ZNF565: variants seen among roughly 807,000 people sequenced by gnomAD.
ZNF565 encodes zinc finger protein 565.
ZNF565 carries 27 observed loss-of-function variants against 39.4 expected under a neutral mutation model. The observed-to-expected ratio is 0.69, with a 90% CI of 0.51 to 0.95. ZNF565 has a LOEUF of 0.95. ZNF565 is among the 40% of genes least tolerant of loss of function. ZNF565 has a pLI of 0.00. For synonymous variants in ZNF565, 185 were observed against 216.6 expected, an observed-to-expected ratio of 0.85 and a Z score of 1.28; for missense variants, 524 against 621.1, an observed-to-expected ratio of 0.84 and a Z score of 1.66.
rs201361046 is a variant in ZNF565, at chr19:36,211,814, A to G, written c.-66+2808T>C. Among the ~76,000 whole-genome samples the G allele has an allele frequency of 1.6e-4, 24 of 152,000 alleles. No homozygotes were observed. In the East Asian group the frequency reaches 4.2e-3, roughly 27 times the overall value. On this transcript the variant is annotated intron_variant, in intron 1 of 4. Coordinates refer to ENST00000304116, the MANE Select transcript of ZNF565 (RefSeq NM_152477.5). ...TCTCAAAAAAAACAAAAAAAAAAAGAAGAAAAAATAAACATAGAAGTGATG... is the reference window on the plus strand; with the variant it reads ...TCTCAAAAAAAACAAAAAAAAAAAGGAGAAAAAATAAACATAGAAGTGATG...
At chr19:36,216,273 AT>A (rs1486611013), upstream of ZNF565, among the ~76,000 whole-genome samples, 12 of 152,216 alleles carry the variant, frequency 7.9e-5, no homozygotes, top group Non-Finnish European at 1.6e-4. Context: ...ACTAAGGGGC[AT>A]AACAAATGTG....
upstream of ZNF565, chr19:36,218,077 T>C (rs1055856781): frequency 2.1e-5 from 3 of 143,528 alleles, no homozygotes; most frequent in Non-Finnish European, 3.0e-5. Flanking sequence ...AGTACTGGGA[T>C]TACAGGCATG....
At position 36,241,500 on chromosome 19, in the gene ZNF565, AAAAG is replaced by A. The variant is rs564762161; in HGVS notation, c.55+3972_55+3975del. On this transcript the variant is annotated intron_variant, in intron 1 of 4. Transcript: ENST00000355114. ...ACTCTGTATTAAAAAAAAAAAAAAA[AAAAG>A]TGTTGGGGCCGTGCGCAGTGGCTCA... Among the ~76,000 whole-genome samples, 703 of 140,578 alleles carry A rather than the reference AAAAG, an allele frequency of 5.0e-3. 1 individual carries two copies. The highest frequency in any genetic ancestry group is 8.6e-3 in the Non-Finnish European group (557 of 65,108). The allele number at this position is 140,578 out of a possible 152,430, so 92.2% of individuals were successfully genotyped here. A position where few individuals can be genotyped will look rare whatever the true frequency, so the allele number is the denominator to read the frequency against.
chr19:36,185,279 T>C (rs1421559493), intron 4 of ZNF565, among the ~76,000 whole-genome samples: 1 of 151,874 alleles, frequency 6.6e-6, no homozygotes, highest in African/African-American at 2.4e-5. Flanking sequence ...CCGGCCGTGG[T>C]GGCACATGCC....
At chr19:36,195,221 T>G (rs780360254) in intron 2 of ZNF565, 65 bp from the exon 3 acceptor site, 3 of 1,559,608 alleles carry the variant, frequency 1.9e-6, no homozygotes, top group Non-Finnish European at 2.6e-6. Context: ...ATGAAAATTT[T>G]CAAGATGCAC....
At chr19:36,224,475 G>C (rs1218515700) in intron 1 of ZNF565, among the ~76,000 whole-genome samples, 1 of 152,158 alleles carries the variant, frequency 6.6e-6, no homozygotes, top group African/African-American at 2.4e-5. Flanking sequence ...CTGTTTCTGG[G>C]TGTGAGCAGA....
intron 1 of ZNF565, among the ~76,000 whole-genome samples, chr19:36,211,818 A>G (rs868263653): frequency 1.3e-5 from 2 of 152,228 alleles, no homozygotes; most frequent in South Asian, 2.1e-4. Context: ...AAAAAGAAGA[A>G]AAAATAAACA....
At chr19:36,204,591 G>C (rs1038497534) in intron 1 of ZNF565, among the ~76,000 whole-genome samples, 1 of 152,196 alleles carries the variant, frequency 6.6e-6, no homozygotes, top group African/African-American at 2.4e-5. Context: ...TAGTATGTCT[G>C]AGAAACTAAA....
In ZNF565 at chr19:36,183,318, A is replaced by G. The variant is rs1420779045; in HGVS notation, c.648T>C (p.Ile216=). Residue 216 remains isoleucine, a synonymous_variant, in exon 5 of 5, where the codon ATT becomes ATC. Transcript: ENST00000304116. ...AGTCATAAGGTTTCTCACCCGTGTG[A>G]ATTCTCTGATGCTGAACAAGGTGTG... ...RASHLVQHQR[I]HTGEKPYDCK... The G allele has an allele frequency of 6.2e-7, 1 of 1,613,702 alleles. No homozygotes were observed. The highest frequency in any genetic ancestry group is 2.2e-5 in the East Asian group (1 of 44,776).
intron 1 of ZNF565, among the ~76,000 whole-genome samples, chr19:36,240,182 TACA>T (rs1000931274): frequency 2.6e-5 from 4 of 152,238 alleles, no homozygotes; most frequent in Non-Finnish European, 5.9e-5. Context: ...GTTTAAAATA[TACA>T]ACAATTTTAA....
In ZNF565 at chr19:36,183,332, G is replaced by C; in HGVS notation, c.634C>G (p.Gln212Glu). Residue 212 changes from glutamine to glutamate, a missense_variant, in exon 5 of 5, where the codon CAG becomes GAG. Physicochemically the swap from Gln to Glu is conservative, Grantham distance 29 (BLOSUM62 2). Transcript: ENST00000304116. ...TCACCCGTGTGAATTCTCTGATGCT[G>C]AACAAGGTGTGAGGCACGGCTGAAG... Reference protein sequence around the residue: ...KAFSRASHLVQHQRIHTGEKP... With the variant: ...KAFSRASHLVEHQRIHTGEKP... The C allele has an allele frequency of 6.2e-7, 1 of 1,614,122 alleles. No homozygotes were observed. Among genetic ancestry groups the C allele is most frequent in the South Asian group, 1.1e-5 (1 of 91,072 alleles).
intron 1 of ZNF565, among the ~76,000 whole-genome samples, chr19:36,244,041 T>C (rs964001501): frequency 1.1e-4 from 17 of 152,094 alleles, no homozygotes; most frequent in African/African-American, 3.9e-4. Flanking sequence ...CTACTGGCCT[T>C]GCACCAAGAA....
chr19:36,235,019 G>A (rs889490259), intron 1 of ZNF565, among the ~76,000 whole-genome samples: 2 of 151,904 alleles, frequency 1.3e-5, no homozygotes, highest in African/African-American at 4.8e-5. Context: ...GGAAGCACTT[G>A]TTGGTTGATC....
intron 4 of ZNF565, among the ~76,000 whole-genome samples, chr19:36,184,348 C>A (rs979174654): frequency 3.3e-5 from 5 of 151,904 alleles, no homozygotes; most frequent in Admixed American, 2.0e-4. Flanking sequence ...CTCACGCAAC[C>A]TCCGCCTCTT....
upstream of ZNF565, among the ~76,000 whole-genome samples, chr19:36,218,734 C>T (rs144066199): frequency 0.058 from 8,760 of 150,992 alleles, 337 homozygotes; most frequent in Non-Finnish European, 0.086. Flanking sequence ...CTCCCAAAGT[C>T]CTGGCATTAC....
At chr19:36,233,334 C>A (rs1030801662) in intron 1 of ZNF565, among the ~76,000 whole-genome samples, 4 of 152,132 alleles carry the variant, frequency 2.6e-5, no homozygotes, top group African/African-American at 9.7e-5. Context: ...GAGTCGAGAT[C>A]GCACCACTGC....
intron 1 of ZNF565, among the ~76,000 whole-genome samples, chr19:36,243,080 C>A (rs1977826331): frequency 6.6e-6 from 1 of 152,180 alleles, no homozygotes; most frequent in Non-Finnish European, 1.5e-5. Flanking sequence ...GTCCCCCAGG[C>A]TGGAGGATAA....
rs951772469 is a variant in ZNF565 at position 36,191,739 on chromosome 19, C to A, written c.232+2494G>T. 4.7e-4 allele frequency among the ~76,000 whole-genome samples: 71 copies of A among 152,114 alleles called. 2 individuals are homozygous for A. Among genetic ancestry groups the A allele is most frequent in the Admixed American group, 3.9e-3 (60 of 15,240 alleles). On this transcript the variant is annotated intron_variant, in intron 4 of 4. Transcript: ENST00000304116. ...GAATGGAAGAGGGCTAGGGACAGTTCTTCCTTATTGAAGAATTCCAATTAA... is the reference window on the plus strand; with the variant it reads ...GAATGGAAGAGGGCTAGGGACAGTTATTCCTTATTGAAGAATTCCAATTAA...
At chr19:36,240,940 A>T (rs1977789200) in intron 1 of ZNF565, among the ~76,000 whole-genome samples, 1 of 152,006 alleles carries the variant, frequency 6.6e-6, no homozygotes, top group Non-Finnish European at 1.5e-5. Context: ...ATAAAAGGGC[A>T]AGTTTTGTCC....
Sources: allele counts gnomAD v4.1 joint callset (sites outside exome capture counted in the v4.1 genomes callset), GRCh38; gene constraint gnomAD v4.1.1; transcripts MANE v1.5; gene names NCBI Gene and HGNC (gene_info 2026-07-23, HGNC 2026-07-21).